Variants in ZFHX3 observed in about 807,000 individuals in gnomAD.
The protein encoded by ZFHX3 is zinc finger homeobox protein 3.
In ZFHX3, 42 loss-of-function variants were observed where a neutral mutation model predicts 279.1. The ratio of observed to expected loss-of-function variants is 0.15; its 90% confidence interval spans 0.12 to 0.19. ZFHX3 has a LOEUF of 0.19. ZFHX3 is among the 10% of genes least tolerant of loss of function. ZFHX3 has a pLI of 1.00. For missense variants in ZFHX3, 4,981 were observed against 4,754.0 expected (o/e 1.05, Z -1.40); for synonymous variants, 2,293 against 1,957.8 (o/e 1.17, Z -4.52).
rs548386844 is a variant in ZFHX3 at position 73,357,928 on chromosome 16, T to C, written c.-1290-39592A>G. Among the ~76,000 whole-genome samples the C allele has an allele frequency of 3.9e-5, 6 of 152,266 alleles. No homozygotes were observed. The East Asian group carries it at 7.8e-4, about 20-fold the overall frequency. ...GCACTGCTCTCAGGAGAAGGAAAGG[T>C]ACCCTGGGCCCACCCAGCAACGTCT... On this transcript the variant is annotated intron_variant, in intron 3 of 17. Transcript: ENST00000641206.
At chr16:73,484,014 C>A (rs1225042935) in intron 2 of ZFHX3, among the ~76,000 whole-genome samples, 1 of 151,130 alleles carries the variant, frequency 6.6e-6, no homozygotes, top group Non-Finnish European at 1.5e-5. Flanking sequence ...TGAAATCCCC[C>A]ACTAGACAGT....
chr16:73,790,417 C>T (rs2142313967), intron 1 of ZFHX3, among the ~76,000 whole-genome samples: 1 of 152,274 alleles, frequency 6.6e-6, no homozygotes, highest in East Asian at 1.9e-4. Context: ...CTGTTCTGTG[C>T]TTGTTTTTTA....
chr16:73,884,807 C>T (rs1202861595), intron 1 of ZFHX3, among the ~76,000 whole-genome samples: 1 of 152,142 alleles, frequency 6.6e-6, no homozygotes, highest in Admixed American at 6.5e-5. Flanking sequence ...TATCCACATG[C>T]TATTGTTTCA....
intron 2 of ZFHX3, among the ~76,000 whole-genome samples, chr16:73,623,996 C>G (rs1314836155): frequency 6.6e-6 from 1 of 152,170 alleles, no homozygotes; most frequent in Non-Finnish European, 1.5e-5. Flanking sequence ...TATTTTTCCC[C>G]TTTGCAAAGT....
chr16:73,770,775 A>G (rs2054009013), intron 1 of ZFHX3, among the ~76,000 whole-genome samples: 1 of 152,234 alleles, frequency 6.6e-6, no homozygotes, highest in Admixed American at 6.5e-5. Context: ...GAAGATGATC[A>G]TGCTTGAAGC....
chr16:73,035,059 C>T (rs1393352751), intron 1 of ZFHX3, among the ~76,000 whole-genome samples: 1 of 152,146 alleles, frequency 6.6e-6, no homozygotes. Context: ...ACTAGGTAGC[C>T]ACCGACCCTT....
At chr16:73,415,660 C>T (rs1049093415) in intron 3 of ZFHX3, among the ~76,000 whole-genome samples, 3 of 152,206 alleles carry the variant, frequency 2.0e-5, no homozygotes, top group Admixed American at 6.5e-5. Flanking sequence ...AGGCCATTTC[C>T]TCCCCTTACT....
chr16:73,699,866 G>A (rs573065476), intron 1 of ZFHX3, among the ~76,000 whole-genome samples: 1 of 152,252 alleles, frequency 6.6e-6, no homozygotes, highest in Admixed American at 6.6e-5. Flanking sequence ...CACAGGATGA[G>A]AAATTTGGGG....
At position 73,880,951 on chromosome 16, in the gene ZFHX3, A is replaced by G. The variant is rs1009969951; in HGVS notation, c.-1608+10700T>C. 8.5e-4 allele frequency among the ~76,000 whole-genome samples: 129 copies of G among 152,242 alleles called. 2 individuals carry two copies. The highest frequency in any genetic ancestry group is 3.1e-3 in the African/African-American group (129 of 41,532). On this transcript the variant is annotated intron_variant, in intron 1 of 17. Transcript: ENST00000641206. ...TATGAACACATTTTTAACACTTGAC[A>G]TTTTCTAATATTCTGAAATCTTACT...
At chr16:72,943,201 G>A (rs1048215301) in intron 3 of ZFHX3, among the ~76,000 whole-genome samples, 4 of 152,142 alleles carry the variant, frequency 2.6e-5, no homozygotes, top group African/African-American at 9.7e-5. Flanking sequence ...AAATCACACT[G>A]CATAGTCTTA....
At chr16:73,653,020 T>C (rs542966349) in intron 2 of ZFHX3, among the ~76,000 whole-genome samples, 2 of 152,100 alleles carry the variant, frequency 1.3e-5, no homozygotes, top group East Asian at 1.9e-4. Flanking sequence ...ATATTGATAC[T>C]AAGAAGATAG....
chr16:73,416,810 C>G (rs989178938), intron 3 of ZFHX3, among the ~76,000 whole-genome samples: 7 of 147,472 alleles, frequency 4.7e-5, no homozygotes, highest in South Asian at 2.2e-4. Flanking sequence ...GGAGGCGGAG[C>G]CTGCAGTGAG....
intron 1 of ZFHX3, among the ~76,000 whole-genome samples, chr16:73,757,056 G>C (rs561025961): frequency 2.0e-5 from 3 of 152,240 alleles, no homozygotes; most frequent in Middle Eastern, 3.4e-3. Context: ...AGGAACAAAC[G>C]TGGGCTTACA....
chr16:73,046,332 C>T (rs751662876), intron 1 of ZFHX3, among the ~76,000 whole-genome samples: 1 of 152,180 alleles, frequency 6.6e-6, no homozygotes, highest in Non-Finnish European at 1.5e-5. Context: ...CTCAGGCTGC[C>T]AGTGGCTGTT....
At chr16:73,853,378 C>G (rs77178187) in intron 1 of ZFHX3, among the ~76,000 whole-genome samples, 2,783 of 152,286 alleles carry the variant, frequency 0.018, 42 homozygotes, top group South Asian at 0.034. Flanking sequence ...CTCTATGTCA[C>G]TACAGCACAA....
chr16:73,789,919 A>T (rs967177370), intron 1 of ZFHX3, among the ~76,000 whole-genome samples: 3 of 152,188 alleles, frequency 2.0e-5, no homozygotes, highest in African/African-American at 4.8e-5. Context: ...CTACTAAATG[A>T]TAAATTCAAA....
chr16:73,823,643 C>T (rs1377460304), intron 1 of ZFHX3, among the ~76,000 whole-genome samples: 3 of 148,124 alleles, frequency 2.0e-5, no homozygotes, highest in Non-Finnish European at 4.4e-5. Context: ...TTGTCTAGGG[C>T]TGCTTTGGCG....
At chr16:73,435,534 G>T (rs766015457) in intron 3 of ZFHX3, among the ~76,000 whole-genome samples, 9 of 152,082 alleles carry the variant, frequency 5.9e-5, no homozygotes, top group Non-Finnish European at 1.2e-4. Context: ...TGGTGGGGCT[G>T]TTCTGTACTC....
intron 2 of ZFHX3, among the ~76,000 whole-genome samples, chr16:73,523,842 A>C (rs2019648169): frequency 6.6e-6 from 1 of 152,168 alleles, no homozygotes; most frequent in Admixed American, 6.5e-5. Flanking sequence ...ACCATTGAAA[A>C]TATAGAAGCA....
Sources: allele counts gnomAD v4.1 joint callset (sites outside exome capture counted in the v4.1 genomes callset), GRCh38; gene constraint gnomAD v4.1.1; transcripts MANE v1.5; gene names NCBI Gene and HGNC (gene_info 2026-07-23, HGNC 2026-07-21).